KIF5C: variants seen among roughly 807,000 people sequenced by gnomAD.
KIF5C encodes kinesin heavy chain isoform 5C.
Under a neutral mutation model 125.2 loss-of-function variants are expected in KIF5C, and 18 were observed. That is an observed-to-expected ratio of 0.14 (90% CI 0.10 to 0.21). The LOEUF (loss-of-function observed/expected upper bound fraction) is 0.21, where lower values mean the gene tolerates loss of function less well. KIF5C is among the 10% of genes least tolerant of loss of function. KIF5C has a pLI of 1.00. For synonymous variants in KIF5C, 405 were observed against 434.0 expected (o/e 0.93, Z 0.83); for missense variants, 780 against 1,183.8 (o/e 0.66, Z 5.01).
intron 1 of KIF5C, among the ~76,000 whole-genome samples, chr2:148,892,844 C>T (rs1260778892): frequency 1.3e-5 from 2 of 152,214 alleles, no homozygotes; most frequent in African/African-American, 4.8e-5. Context: ...CATTCAGCCA[C>T]ACTGCTAAAC....
chr2:148,978,121 T>G (rs1386311851), intron 12 of KIF5C, among the ~76,000 whole-genome samples: 2 of 152,172 alleles, frequency 1.3e-5, no homozygotes, highest in Non-Finnish European at 2.9e-5. Context: ...GTGTTTTTTA[T>G]GTAGTTAGGC....
Position 148,941,594 on chromosome 2 carries a change from A to G in KIF5C, c.397-16A>G, listed in dbSNP as rs750225806. 3.2e-6 allele frequency: 5 copies of G among 1,554,914 alleles called. No homozygotes were observed. The highest frequency in any genetic ancestry group is 4.4e-6 in the Non-Finnish European group (5 of 1,148,190). On this transcript the variant is annotated splice_polypyrimidine_tract_variant and intron_variant, in intron 4 of 25. Coordinates refer to ENST00000435030, the MANE Select transcript of KIF5C (RefSeq NM_004522.3). ...CTGCGGCATGTCTATTCCAAGCTCA[A>G]TTTGTTTTTAACTAGGTTTCCTATT...
intron 9 of KIF5C, 72 bp from the exon 10 acceptor site, chr2:148,950,242 C>T (rs2105113632): frequency 1.3e-6 from 2 of 1,567,276 alleles, no homozygotes; most frequent in Non-Finnish European, 1.7e-6. Context: ...TGTCTTCATC[C>T]CTGACTTGCT....
At chr2:148,880,890 G>C (rs1397855460) in intron 1 of KIF5C, among the ~76,000 whole-genome samples, 1 of 151,830 alleles carries the variant, frequency 6.6e-6, no homozygotes, top group South Asian at 2.1e-4. Flanking sequence ...GAATGGGGTG[G>C]GTAGAGGTAG....
At chr2:148,963,787 T>A (rs150191093) in intron 11 of KIF5C, among the ~76,000 whole-genome samples, 35 of 152,202 alleles carry the variant, frequency 2.3e-4, no homozygotes, top group African/African-American at 7.5e-4. Context: ...GGGTGGGCAA[T>A]GAACCTTTTT....
chr2:148,971,278 G>T (rs1281075356), intron 11 of KIF5C, among the ~76,000 whole-genome samples: 1 of 138,026 alleles, frequency 7.2e-6, no homozygotes, highest in Non-Finnish European at 1.6e-5. Context: ...CTGTCTGTCT[G>T]TCTGTCTGTC....
At chr2:148,885,900 T>G (rs1205505237) in intron 1 of KIF5C, 1 of 152,220 alleles carries the variant, frequency 6.6e-6, no homozygotes, top group African/African-American at 2.4e-5. Context: ...GACTCTTCCT[T>G]TGTCAGGCTT....
At chr2:149,004,224 GA>G in intron 21 of KIF5C, among the ~76,000 whole-genome samples, 3 of 152,330 alleles carry the variant, frequency 2.0e-5, no homozygotes, top group Middle Eastern at 6.8e-3. Context: ...TAAATTAACA[GA>G]GAACCTTTAT....
At chr2:148,987,490 G>A (rs1013801195) in intron 15 of KIF5C, among the ~76,000 whole-genome samples, 2 of 152,180 alleles carry the variant, frequency 1.3e-5, no homozygotes, top group African/African-American at 2.4e-5. Flanking sequence ...TATCAGCAGT[G>A]AAGCAGTGGA....
Position 148,968,292 on chromosome 2 carries a change from A to T in KIF5C, c.1118-5044A>T, listed in dbSNP as rs373856718. The stretch of plus-strand genomic sequence containing the variant: ...GAAAAATCGGCAGTCTCTAACGCAG[A>T]TTTGTTCATCCAGTTCAAAACCTGT... On this transcript the variant is annotated intron_variant, in intron 11 of 25. Transcript: ENST00000435030. Among the ~76,000 whole-genome samples, 33 of 152,294 alleles carry T rather than the reference A, an allele frequency of 2.2e-4. No homozygotes were observed. The South Asian group carries it at 6.8e-3, about 32-fold the overall frequency.
intron 25 of KIF5C, chr2:149,020,139 A>C (rs544160293): frequency 2.6e-5 from 4 of 152,270 alleles, no homozygotes; most frequent in Admixed American, 1.3e-4. Context: ...TTTACCTTTA[A>C]AATTTATATC....
intron 21 of KIF5C, among the ~76,000 whole-genome samples, chr2:149,003,019 C>G (rs1681904346): frequency 6.6e-6 from 1 of 152,190 alleles, no homozygotes; most frequent in African/African-American, 2.4e-5. Context: ...CTCTCACCCT[C>G]GCCCAGCCCA....
chr2:148,990,548 C>G (rs564985751), intron 15 of KIF5C, among the ~76,000 whole-genome samples: 2 of 152,192 alleles, frequency 1.3e-5, no homozygotes, highest in Non-Finnish European at 2.9e-5. Context: ...CAAGGCATTA[C>G]ACTACTTGTC....
At chr2:149,011,332 T>G (rs1458377129) in intron 24 of KIF5C, among the ~76,000 whole-genome samples, 1 of 152,234 alleles carries the variant, frequency 6.6e-6, no homozygotes, top group African/African-American at 2.4e-5. Flanking sequence ...TTGGCCCAAA[T>G]TAGAAATGAG....
chr2:148,942,633 C>G, intron 6 of KIF5C, 40 bp from the exon 7 acceptor site: 1 of 1,580,678 alleles, frequency 6.3e-7, no homozygotes, highest in Non-Finnish European at 8.6e-7. Context: ...TGTTGCTTTT[C>G]AACTCTTTCA....
chr2:148,976,988 C>T (rs374272058), intron 12 of KIF5C, among the ~76,000 whole-genome samples: 17 of 152,240 alleles, frequency 1.1e-4, no homozygotes, highest in African/African-American at 3.9e-4. Context: ...TCAGAGTGAG[C>T]GTGCTTATGC....
chr2:148,981,564 T>C lies in KIF5C; in HGVS notation c.1569+3T>C. ...CAGACGAGCTGGCCCAGAAAACGGT[T>C]GGAGCATTTGTGTCTAGGGGGTGGG... On this transcript the variant is annotated splice_donor_region_variant and intron_variant, in intron 14 of 25. Transcript: ENST00000435030. The C allele has an allele frequency of 6.3e-7, 1 of 1,586,108 alleles. No individual in the cohort carries two copies. Among genetic ancestry groups the C allele is most frequent in the Non-Finnish European group, 8.6e-7 (1 of 1,166,454 alleles).
chr2:148,922,047 T>C (rs1180810410), intron 1 of KIF5C, 90 bp from the exon 2 acceptor site: 1 of 781,938 alleles, frequency 1.3e-6, no homozygotes, highest in South Asian at 1.8e-5. Context: ...TTAGTGCCTA[T>C]GGCCTAGCTA....
chr2:148,922,051 C>T (rs1444715562), intron 1 of KIF5C, 86 bp from the exon 2 acceptor site: 1 of 821,632 alleles, frequency 1.2e-6, no homozygotes, highest in African/African-American at 1.7e-5. Flanking sequence ...TGCCTATGGC[C>T]TAGCTACTAA....
Sources: allele counts gnomAD v4.1 joint callset (sites outside exome capture counted in the v4.1 genomes callset), GRCh38; gene constraint gnomAD v4.1.1; transcripts MANE v1.5; gene names NCBI Gene and HGNC (gene_info 2026-07-23, HGNC 2026-07-21).